Variants in UBN2 observed in about 807,000 individuals in gnomAD.
UBN2 encodes the protein ubinuclein-2.
In UBN2, 35 loss-of-function variants were observed where a neutral mutation model predicts 120.2. The observed-to-expected ratio is 0.29, with a 90% CI of 0.22 to 0.39. The LOEUF (loss-of-function observed/expected upper bound fraction) is 0.39, where lower values mean the gene tolerates loss of function less well. Among genes scored for constraint, UBN2 ranks in the 10% least tolerant of loss-of-function variants. UBN2 has a pLI of 1.00. For missense variants in UBN2, 1,693 were observed against 1,663.2 expected (o/e 1.02, Z -0.31); for synonymous variants, 661 against 648.7 (o/e 1.02, Z -0.29).
chr7:139,235,294 A>T (rs1796134386), intron 1 of UBN2, among the ~76,000 whole-genome samples: 1 of 152,232 alleles, frequency 6.6e-6, no homozygotes, highest in Non-Finnish European at 1.5e-5. Flanking sequence ...GGTTAAGGCT[A>T]CACCCTGGAC....
Position 139,236,989 on chromosome 7 carries a change from A to C in UBN2, c.469-16A>C. The C allele has an allele frequency of 6.4e-7, 1 of 1,566,318 alleles. No individual in the cohort carries two copies. The highest frequency in any genetic ancestry group is 8.7e-7 in the Non-Finnish European group (1 of 1,143,698). ...AATGGATACTTCTCTTTCTTTTCCC[A>C]TTCACCTTGAATCAGAAGAAGCTCA... On this transcript the variant is annotated splice_polypyrimidine_tract_variant and intron_variant, in intron 1 of 17. Transcript: ENST00000473989.
chr7:139,289,019 A>T (rs1797867723), intron 15 of UBN2, among the ~76,000 whole-genome samples: 1 of 151,772 alleles, frequency 6.6e-6, no homozygotes. Flanking sequence ...AAAAAAAAAA[A>T]ATTAATGCCC....
In UBN2 at chr7:139,283,973, C is replaced by T. The variant is rs767749778; in HGVS notation, c.3068C>T (p.Ser1023Phe). Residue 1023 changes from serine (S) to phenylalanine (F), a missense_variant, in exon 15 of 18, where the codon TCC becomes TTC. Around this residue, in one of 5 missense-constraint regions of UBN2, gnomAD observed 837 missense variants for 817.6 expected, o/e 1.02. Coordinates refer to ENST00000473989, the MANE Select transcript of UBN2 (RefSeq NM_173569.4). Reference sequence around the variant, plus strand: ...GCCAAGGCTATGGTGTCACAGATCTCCACGCAGGGTTTCAAATCTCCCTTC... The same window carrying T: ...GCCAAGGCTATGGTGTCACAGATCTTCACGCAGGGTTTCAAATCTCCCTTC... ...YLAKAMVSQISTQGFKSPFSM... is the reference protein window; with the variant it reads ...YLAKAMVSQIFTQGFKSPFSM... 5.0e-6 allele frequency: 8 copies of T among 1,613,562 alleles called. No homozygotes were observed. The East Asian group carries it at 1.6e-4, about 31-fold the overall frequency.
At chr7:139,236,947 ATAATATT>A in intron 1 of UBN2, 51 bp from the exon 2 acceptor site, 1 of 1,082,342 alleles carries the variant, frequency 9.2e-7, no homozygotes, top group Non-Finnish European at 1.4e-6. Flanking sequence ...ACAAACAATA[ATAATATT>A]TGTAATACTA....
chr7:139,240,454 A>ATATATATATAT (rs371717591), intron 2 of UBN2, among the ~76,000 whole-genome samples: 9 of 123,104 alleles, frequency 7.3e-5, no homozygotes, highest in East Asian at 4.6e-4. Context: ...ATATATATAT[A>ATATATATATAT]TTTTTTTTTT....
In UBN2 at chr7:139,259,324, G is replaced by A; in HGVS notation, c.859G>A (p.Gly287Arg). 1 of 1,613,936 alleles carries A rather than the reference G, an allele frequency of 6.2e-7. No homozygotes were observed. The highest frequency in any genetic ancestry group is 8.5e-7 in the Non-Finnish European group (1 of 1,179,910). The change falls in exon 5 of 18, where the codon GGG becomes AGG. Residue 287 changes from glycine to arginine, a missense_variant. Physicochemically the swap from Gly to Arg is moderately radical, Grantham distance 125 (BLOSUM62 -2). Transcript: ENST00000473989. Reference protein sequence around the residue: ...EMKKRKRKEEGEKEKKPRKKV... With the variant: ...EMKKRKRKEEREKEKKPRKKV... ...GAAGAAGCGGAAGCGGAAAGAGGAA[G>A]GGGAAAAGGAGAAGAAGCCAAGGAA... is the stretch of plus-strand genomic sequence containing the variant.
At chr7:139,246,102 C>T (rs1366777101) in intron 2 of UBN2, among the ~76,000 whole-genome samples, 1 of 152,102 alleles carries the variant, frequency 6.6e-6, no homozygotes, top group Non-Finnish European at 1.5e-5. Context: ...CGGTGGCTCA[C>T]ATCTGTAATC....
intron 11 of UBN2, among the ~76,000 whole-genome samples, chr7:139,275,835 C>T (rs111977433): frequency 0.027 from 4,102 of 152,166 alleles, 175 homozygotes; most frequent in African/African-American, 0.086. Flanking sequence ...ATTAGCTGGG[C>T]ATGGTGGCAC....
At chr7:139,285,346 A>G (rs899147261) in intron 15 of UBN2, among the ~76,000 whole-genome samples, 3 of 152,242 alleles carry the variant, frequency 2.0e-5, no homozygotes, top group African/African-American at 7.2e-5. Flanking sequence ...ATCTCAAAAA[A>G]AAAGGGTAGC....
intron 1 of UBN2, 83 bp downstream of exon 1, chr7:139,232,035 C>A: frequency 7.1e-7 from 1 of 1,400,944 alleles, no homozygotes; most frequent in Non-Finnish European, 9.7e-7. Context: ...CACCTTGGGA[C>A]GCCCACCGAG....
intron 15 of UBN2, among the ~76,000 whole-genome samples, chr7:139,287,788 T>C (rs1797834141): frequency 1.3e-5 from 2 of 152,066 alleles, no homozygotes; most frequent in African/African-American, 4.8e-5. Context: ...AGCGTCTCAA[T>C]AAAGTCTTAC....
intron 15 of UBN2, among the ~76,000 whole-genome samples, chr7:139,290,083 T>A (rs111848737): frequency 0.024 from 3,690 of 152,066 alleles, 121 homozygotes; most frequent in African/African-American, 0.077. Flanking sequence ...ATTAATGGAT[T>A]AATTATTGTA....
At chr7:139,257,945 G>A (rs992265565) in intron 3 of UBN2, among the ~76,000 whole-genome samples, 1 of 149,896 alleles carries the variant, frequency 6.7e-6, no homozygotes, top group African/African-American at 2.5e-5. Context: ...GCTAATTTTT[G>A]GTATTTTCAG....
chr7:139,259,211 T>C, intron 4 of UBN2, 56 bp from the exon 5 acceptor site: 1 of 1,589,494 alleles, frequency 6.3e-7, no homozygotes, highest in Non-Finnish European at 8.5e-7. Context: ...ATTGCTAACA[T>C]CAAAGAGTAA....
rs1797298485 is a variant in UBN2, at chr7:139,272,254, T to C, written c.1597-68T>C. On this transcript the variant is annotated intron_variant, in intron 8 of 17. Coordinates refer to ENST00000473989, the MANE Select transcript of UBN2 (RefSeq NM_173569.4). ...GTATCTAAAACATAAATTTTATCTT[T>C]TGAGGACCTGCTTACAAGATTTCGT... 1.8e-5 allele frequency: 20 copies of C among 1,125,524 alleles called. No homozygotes were observed. The South Asian group carries it at 2.4e-4, about 14-fold the overall frequency. The allele number at this position is 1,125,524 out of a possible 1,614,324, so 69.7% of individuals were successfully genotyped here. A position where few individuals can be genotyped will look rare whatever the true frequency, so the allele number is the denominator to read the frequency against.
At chr7:139,289,559 A>C (rs1235456599) in intron 15 of UBN2, among the ~76,000 whole-genome samples, 1 of 151,484 alleles carries the variant, frequency 6.6e-6, no homozygotes, top group African/African-American at 2.4e-5. Flanking sequence ...TTACAGGCAG[A>C]CGCCACCATG....
At chr7:139,254,854 C>G (rs1030026314) in intron 3 of UBN2, among the ~76,000 whole-genome samples, 1 of 152,160 alleles carries the variant, frequency 6.6e-6, no homozygotes, top group Non-Finnish European at 1.5e-5. Context: ...CCATGAACAC[C>G]TTGCCCGCAT....
In UBN2 at chr7:139,297,954, C is replaced by T; in HGVS notation, c.*118C>T. Reference sequence around the variant, plus strand: ...TGTCGATGTTTACATTCTCTCGTCCCAAGCACTGTGGTGAGGAGGAAAAAG... The same window carrying T: ...TGTCGATGTTTACATTCTCTCGTCCTAAGCACTGTGGTGAGGAGGAAAAAG... On this transcript the variant is annotated 3_prime_UTR_variant, in exon 18 of 18. Transcript: ENST00000473989. The T allele has an allele frequency of 1.8e-6, 2 of 1,137,672 alleles. No individual in the cohort carries two copies. Among genetic ancestry groups the T allele is most frequent in the South Asian group, 1.3e-5 (1 of 76,644 alleles). The allele number at this position is 1,137,672 out of a possible 1,614,324, so 70.5% of individuals were successfully genotyped here.
intron 2 of UBN2, among the ~76,000 whole-genome samples, chr7:139,239,645 C>T (rs978697204): frequency 2.0e-5 from 3 of 149,442 alleles, no homozygotes; most frequent in Non-Finnish European, 4.4e-5. Context: ...GCAACCTCCA[C>T]TTCCCAGGTT....
Sources: gnomAD v4.1 joint callset for allele counts (sites outside exome capture counted in the v4.1 genomes callset) on GRCh38, gnomAD v4.1.1 for gene constraint, gnomAD v4.1.1 regional missense constraint, MANE v1.5 for transcripts, NCBI Gene and HGNC (gene_info 2026-07-23, HGNC 2026-07-21) for gene names.